HDGFL3: variants seen among roughly 807,000 people sequenced by gnomAD.
The protein encoded by HDGFL3 is HDGF like 3.
Under a neutral mutation model 27.6 loss-of-function variants are expected in HDGFL3, and 6 were observed. The observed-to-expected ratio is 0.22, with a 90% CI of 0.12 to 0.43. HDGFL3 has a LOEUF of 0.43. Among genes scored for constraint, HDGFL3 ranks in the 20% least tolerant of loss-of-function variants. The pLI is 1.00. For missense variants in HDGFL3, 207 were observed against 250.1 expected, an observed-to-expected ratio of 0.83 and a Z score of 1.16; for synonymous variants, 88 against 88.9, an observed-to-expected ratio of 0.99 and a Z score of 0.05.
chr15:83,200,272 T>C, intron 1 of HDGFL3, among the ~76,000 whole-genome samples: 1 of 148,464 alleles, frequency 6.7e-6, no homozygotes, highest in African/African-American at 2.5e-5. Flanking sequence ...GAGGCGGAGC[T>C]TGCAGTGAGC....
intron 1 of HDGFL3, among the ~76,000 whole-genome samples, chr15:83,199,008 A>G (rs2037604825): frequency 6.6e-6 from 1 of 152,244 alleles, no homozygotes; most frequent in African/African-American, 2.4e-5. Flanking sequence ...ACTGTAGGTT[A>G]CAGTCAAAAA....
At chr15:83,167,699 A>C (rs938988760) in intron 1 of HDGFL3, among the ~76,000 whole-genome samples, 1 of 152,224 alleles carries the variant, frequency 6.6e-6, no homozygotes, top group East Asian at 1.9e-4. Context: ...TTCCAGACCA[A>C]TGAAAAGACA....
intron 1 of HDGFL3, among the ~76,000 whole-genome samples, chr15:83,168,979 T>A (rs1424878768): frequency 6.6e-6 from 1 of 151,962 alleles, no homozygotes; most frequent in Non-Finnish European, 1.5e-5. Context: ...CATATAAAAA[T>A]CAATAAATGT....
Position 83,135,666 on chromosome 15 carries a change from T to A in HDGFL3, c.*3604A>T, listed in dbSNP as rs1049634695. 1 of 152,228 alleles carries A rather than the reference T, an allele frequency of 6.6e-6. No individual in the cohort carries two copies. Among genetic ancestry groups the A allele is most frequent in the African/African-American group, 2.4e-5 (1 of 41,466 alleles). The allele number at this position is 152,228 out of a possible 1,614,324, so 9.4% of individuals were successfully genotyped here. ...ATATCAAAAAAGACCAATTGGCACA[T>A]TCTGAATGTGTTTTCTGAATAAGTA... On this transcript the variant is annotated 3_prime_UTR_variant, in exon 6 of 6. Transcript: ENST00000299633.
chr15:83,121,710 A>G (rs181350184), intron 3 of HDGFL3, among the ~76,000 whole-genome samples: 1 of 152,332 alleles, frequency 6.6e-6, no homozygotes, highest in East Asian at 1.9e-4. Context: ...TTCCTATTTA[A>G]AAGGACACGA....
intron 1 of HDGFL3, among the ~76,000 whole-genome samples, chr15:83,193,858 T>C (rs2037540499): frequency 6.6e-6 from 1 of 152,214 alleles, no homozygotes; most frequent in Non-Finnish European, 1.5e-5. Flanking sequence ...GCCTACAGGG[T>C]AGCCTATAGT....
intron 1 of HDGFL3, among the ~76,000 whole-genome samples, chr15:83,191,724 C>T (rs908521296): frequency 6.6e-6 from 1 of 152,046 alleles, no homozygotes; most frequent in Non-Finnish European, 1.5e-5. Flanking sequence ...ATTTATTTGG[C>T]TAACTTATTT....
chr15:83,157,821 A>G lies in HDGFL3; in HGVS notation c.300+82T>C, dbSNP rs1161640585. ...GTGACTTCAAGGTAACTATTAGTAG[A>G]AAGGACATATAAGAAAGATTTGAAA... On this transcript the variant is annotated intron_variant, in intron 3 of 5. Coordinates refer to ENST00000299633, the MANE Select transcript of HDGFL3 (RefSeq NM_016073.4). 3 of 1,294,010 alleles carry G rather than the reference A, an allele frequency of 2.3e-6. No homozygotes were observed. The East Asian group carries it at 6.9e-5, about 30-fold the overall frequency. 80.2% of individuals were successfully genotyped at this position (1,294,010 alleles called of 1,614,324 possible). A position where few individuals can be genotyped will look rare whatever the true frequency, so the allele number is the denominator to read the frequency against.
In HDGFL3 at chr15:83,131,933, C is replaced by G. The variant is rs1451935681; in HGVS notation, c.*7337G>C. 1 of 152,128 alleles carries G rather than the reference C, an allele frequency of 6.6e-6. No individual in the cohort carries two copies. 9.4% of individuals were successfully genotyped at this position (152,128 alleles called of 1,614,324 possible). ...TTTCCTATCAATTGAAGCATTTTCT[C>G]TGCTAAAATATCAATGAAAATGAAA... is the stretch of plus-strand genomic sequence containing the variant. On this transcript the variant is annotated 3_prime_UTR_variant, in exon 6 of 6. Coordinates refer to ENST00000299633, the MANE Select transcript of HDGFL3 (RefSeq NM_016073.4).
intron 1 of HDGFL3, among the ~76,000 whole-genome samples, chr15:83,190,381 T>C (rs946277521): frequency 6.6e-6 from 1 of 152,302 alleles, no homozygotes; most frequent in East Asian, 1.9e-4. Flanking sequence ...CAACATAAAG[T>C]GAAATTGTTT....
At chr15:83,193,067 G>A (rs963838408) in intron 1 of HDGFL3, among the ~76,000 whole-genome samples, 18 of 150,800 alleles carry the variant, frequency 1.2e-4, no homozygotes, top group African/African-American at 4.2e-4. Context: ...TCACTGTCAT[G>A]GGACATCTCT....
intron 1 of HDGFL3, among the ~76,000 whole-genome samples, chr15:83,192,696 A>G (rs1433966045): frequency 6.6e-6 from 1 of 152,238 alleles, no homozygotes; most frequent in African/African-American, 2.4e-5. Flanking sequence ...AATCCTAGGC[A>G]TAAAACAAAA....
At chr15:83,167,562 G>GAAA in intron 1 of HDGFL3, among the ~76,000 whole-genome samples, 1 of 99,216 alleles carries the variant, frequency 1.0e-5, no homozygotes, top group Admixed American at 1.0e-4. Context: ...TCCATCTCAA[G>GAAA]AAAAAAAAAA....
At chr15:83,189,783 C>T (rs2037489461) in intron 1 of HDGFL3, among the ~76,000 whole-genome samples, 1 of 152,052 alleles carries the variant, frequency 6.6e-6, no homozygotes, top group Non-Finnish European at 1.5e-5. Flanking sequence ...GTAAATATTG[C>T]TTTATTATTT....
At chr15:83,164,701 T>C (rs769316246) in intron 1 of HDGFL3, among the ~76,000 whole-genome samples, 9 of 152,224 alleles carry the variant, frequency 5.9e-5, no homozygotes, top group Non-Finnish European at 2.9e-5. Flanking sequence ...AAAATAAAGA[T>C]ATTTCAGCCC....
intron 5 of HDGFL3, among the ~76,000 whole-genome samples, chr15:83,143,191 T>G (rs750827293): frequency 1.3e-5 from 2 of 152,144 alleles, no homozygotes; most frequent in Non-Finnish European, 2.9e-5. Flanking sequence ...TTTGTATTTT[T>G]TGTAGAGATG....
Position 83,194,116 on chromosome 15 carries a change from A to G in HDGFL3, c.84+13215T>C, listed in dbSNP as rs566996524. On this transcript the variant is annotated intron_variant, in intron 1 of 5. Transcript: ENST00000299633. ...TAGGGTCTTTAAGAGATAGTTGTAC[A>G]TTCATGTTCATAACAGCATCATTCA... 3.3e-5 allele frequency among the ~76,000 whole-genome samples: 5 copies of G among 152,358 alleles called. 1 individual carries two copies. Among genetic ancestry groups the G allele is most frequent in the African/African-American group, 1.2e-4 (5 of 41,586 alleles).
chr15:83,168,228 C>G (rs1167454528), intron 1 of HDGFL3, among the ~76,000 whole-genome samples: 1 of 152,088 alleles, frequency 6.6e-6, no homozygotes, highest in East Asian at 1.9e-4. Flanking sequence ...AAATAATGAT[C>G]TAACATCTTC....
intron 3 of HDGFL3, among the ~76,000 whole-genome samples, chr15:83,120,882 T>C (rs967780453): frequency 1.3e-5 from 2 of 151,044 alleles, no homozygotes; most frequent in African/African-American, 4.9e-5. Context: ...CATTCTTATC[T>C]GTTCTCCTGC....
Sources: gnomAD v4.1 joint callset for allele counts (sites outside exome capture counted in the v4.1 genomes callset) on GRCh38, gnomAD v4.1.1 for gene constraint, MANE v1.5 for transcripts, NCBI Gene and HGNC (gene_info 2026-07-23, HGNC 2026-07-21) for gene names.